Variants in LYSET observed in about 807,000 individuals in gnomAD.
LYSET encodes lysosomal enzyme trafficking factor, also known as GNPTAB cleavage and activity factor.
the LYSET span, chr14:93,184,999 A>T: frequency 6.4e-6 from 1 of 156,740 alleles, no homozygotes; most frequent in Non-Finnish European, 1.5e-5. This position sits in a 1 kb window ranked among gnomAD's most constrained non-coding sequence, Gnocchi z 4.2. Flanking sequence ...GGCATCCGGG[A>T]CGGCGGGCGG....
the LYSET span, among the ~76,000 whole-genome samples, chr14:93,188,445 C>A: frequency 1.3e-5 from 2 of 152,170 alleles, no homozygotes; most frequent in South Asian, 2.1e-4. Context: ...GGTACTAATA[C>A]AAATAACTAA....
the LYSET span, chr14:93,185,193 G>A: frequency 8.2e-6 from 2 of 242,548 alleles, no homozygotes; most frequent in Non-Finnish European, 7.8e-6. Flanking sequence ...GGCGGGGCCG[G>A]CCGCCCGGAG....
chr14:93,186,956 T>C, the LYSET span: 1 of 394,810 alleles, frequency 2.5e-6, no homozygotes, highest in African/African-American at 2.1e-5. Context: ...GAATTCATAT[T>C]TCTATTCTAC....
At chr14:93,185,399 C>T in the LYSET span, 1 of 1,611,536 alleles carries the variant, frequency 6.2e-7, no homozygotes, top group African/African-American at 1.3e-5. Flanking sequence ...TGTTGGCTTT[C>T]TCTGAAATGC....
At chr14:93,187,695 A>G in the LYSET span, among the ~76,000 whole-genome samples, 2 of 152,100 alleles carry the variant, frequency 1.3e-5, no homozygotes, top group African/African-American at 2.4e-5. Context: ...GCAGTGGTGC[A>G]GTCTTGGCTC....
chr14:93,186,522 T>A, the LYSET span: 1 of 1,614,256 alleles, frequency 6.2e-7, no homozygotes, highest in South Asian at 1.1e-5. Flanking sequence ...CTTACAGATG[T>A]TTTTGTTCCT....
At chr14:93,186,541 G>A in the LYSET span, 1 of 1,614,160 alleles carries the variant, frequency 6.2e-7, no homozygotes, top group Non-Finnish European at 8.5e-7. Context: ...CTATACTCTT[G>A]TACAAGAGCT....
chr14:93,185,549 C>T, the LYSET span: 1 of 1,352,272 alleles, frequency 7.4e-7, no homozygotes, highest in Admixed American at 1.7e-5. Flanking sequence ...GCGTTCACGT[C>T]TGAAGCAGTA....
the LYSET span, chr14:93,186,840 G>T: frequency 4.6e-6 from 3 of 646,764 alleles, no homozygotes; most frequent in South Asian, 3.0e-5. Context: ...CGAATTTTTA[G>T]GTAAAACCTG....
At chr14:93,185,074 C>T in the LYSET span, 1 of 150,536 alleles carries the variant, frequency 6.6e-6, no homozygotes, top group Non-Finnish European at 1.5e-5. Context: ...GCTCCGCCGG[C>T]GACCGCTGAC....
At chr14:93,185,868 C>CT in the LYSET span, among the ~76,000 whole-genome samples, 71,810 of 141,632 alleles carry the variant, frequency 0.51, 18,403 homozygotes, top group East Asian at 0.63. Context: ...TTTTAGAATT[C>CT]TTTTTTTTTT....
At chr14:93,187,215 T>C in the LYSET span, 1 of 160,492 alleles carries the variant, frequency 6.2e-6, no homozygotes, top group Non-Finnish European at 1.5e-5. Context: ...AATGGCTGTC[T>C]TGATAAGCAG....
the LYSET span, among the ~76,000 whole-genome samples, chr14:93,187,482 T>C: frequency 6.6e-6 from 1 of 151,942 alleles, no homozygotes; most frequent in African/African-American, 2.4e-5. Context: ...CAGAAGGCCC[T>C]GAGAACGTAC....
At chr14:93,185,175 C>T in the LYSET span, 1 of 185,310 alleles carries the variant, frequency 5.4e-6, no homozygotes, top group Non-Finnish European at 1.1e-5. Context: ...CGCTGCAGCG[C>T]GGCAGGGGGC....
At chr14:93,187,237 C>T in the LYSET span, 1 of 158,826 alleles carries the variant, frequency 6.3e-6, no homozygotes, top group Admixed American at 6.6e-5. Flanking sequence ...ATTTGTTCTT[C>T]CTCTTGGTAA....
chr14:93,188,146 A>G, the LYSET span, among the ~76,000 whole-genome samples: 6 of 152,086 alleles, frequency 3.9e-5, no homozygotes, highest in Non-Finnish European at 1.5e-5. Flanking sequence ...TTTAGTAGAG[A>G]CGGGGTTTCA....
At chr14:93,185,443 C>G in the LYSET span, 1 of 1,613,606 alleles carries the variant, frequency 6.2e-7, no homozygotes, top group South Asian at 1.1e-5. Context: ...CTGAGTGACT[C>G]TTTAACGCTT....
the LYSET span, chr14:93,186,694 A>G: frequency 6.4e-7 from 1 of 1,562,898 alleles, no homozygotes; most frequent in South Asian, 1.2e-5. Context: ...TTTTTTCCCT[A>G]CGATTACAAA....
chr14:93,187,901 C>T, the LYSET span, among the ~76,000 whole-genome samples: 1 of 151,744 alleles, frequency 6.6e-6, no homozygotes, highest in Non-Finnish European at 1.5e-5. Flanking sequence ...AATCCACTTG[C>T]GTCAGCCTCC....
Sources: gnomAD v4.1 joint callset for allele counts (sites outside exome capture counted in the v4.1 genomes callset) on GRCh38, gnomAD v4.1.1 for gene constraint, Gnocchi (gnomAD v3.1) non-coding constraint, MANE v1.5 for transcripts, NCBI Gene and HGNC (gene_info 2026-07-23, HGNC 2026-07-21) for gene names.